PPME1: variants seen among roughly 807,000 people sequenced by gnomAD.
The protein encoded by PPME1 is testicular secretory protein Li 39.
Under a neutral mutation model 56.9 loss-of-function variants are expected in PPME1, and 17 were observed. The observed-to-expected ratio is 0.30, with a 90% CI of 0.20 to 0.45. The LOEUF is 0.45. Ranked by LOEUF, PPME1 falls within the 20% of genes least tolerant of loss-of-function variation. The probability of loss-of-function intolerance (pLI) is 1.00; values close to 1 mark genes in which losing one functional copy is unlikely to be tolerated. For synonymous variants in PPME1, 122 were observed against 156.2 expected (o/e 0.78, Z 1.63); for missense variants, 357 against 483.2 (o/e 0.74, Z 2.45).
Position 74,253,630 on chromosome 11 carries a change from T to A in PPME1, c.*120T>A. ...CCAGCCATGTGACACTGGCTCCCGG[T>A]AGACGGGCACCCCGAGATGTACCAA... On this transcript the variant is annotated 3_prime_UTR_variant, in exon 14 of 14. Coordinates refer to ENST00000328257, the MANE Select transcript of PPME1 (RefSeq NM_016147.3). 1 of 1,147,372 alleles carries A rather than the reference T, an allele frequency of 8.7e-7. No homozygotes were observed. 71.1% of individuals were successfully genotyped at this position (1,147,372 alleles called of 1,614,324 possible).
In PPME1 at chr11:74,254,437, C is replaced by A. The variant is rs200436237; in HGVS notation, c.*927C>A. On this transcript the variant is annotated 3_prime_UTR_variant, in exon 14 of 14. Transcript: ENST00000328257. ...ACACAGAAACATTACAGCCTGGCAT[C>A]CCCAGTCTTTGCCTTCTTCCAGCTG... 6.5e-6 allele frequency: 1 copy of A among 152,882 alleles called. No individual in the cohort carries two copies. Among genetic ancestry groups the A allele is most frequent in the Non-Finnish European group, 1.5e-5 (1 of 68,196 alleles). 9.5% of individuals were successfully genotyped at this position (152,882 alleles called of 1,614,324 possible).
chr11:74,220,877 A>G (rs1366357605), intron 3 of PPME1, among the ~76,000 whole-genome samples: 4 of 152,116 alleles, frequency 2.6e-5, no homozygotes, highest in African/African-American at 9.7e-5. Context: ...ATCTGCTCTG[A>G]CTTTTTGATT....
At chr11:74,210,763 C>T (rs752446628) in intron 3 of PPME1, among the ~76,000 whole-genome samples, 2 of 152,210 alleles carry the variant, frequency 1.3e-5, no homozygotes, top group Non-Finnish European at 2.9e-5. Flanking sequence ...TCTTATACAG[C>T]TTGCAGAACT....
intron 1 of PPME1, among the ~76,000 whole-genome samples, chr11:74,198,005 T>C (rs1858035612): frequency 6.6e-6 from 1 of 152,230 alleles, no homozygotes; most frequent in South Asian, 2.1e-4. Context: ...GTCAAACTTC[T>C]TCCTTTGGCA....
At chr11:74,215,192 T>C (rs536842675) in intron 3 of PPME1, among the ~76,000 whole-genome samples, 11 of 152,102 alleles carry the variant, frequency 7.2e-5, no homozygotes, top group Non-Finnish European at 1.3e-4. Context: ...CAACAAAAAA[T>C]TGACTAAGTG....
chr11:74,198,061 A>C (rs1383009399), intron 1 of PPME1, among the ~76,000 whole-genome samples: 1 of 152,212 alleles, frequency 6.6e-6, no homozygotes, highest in Non-Finnish European at 1.5e-5. Flanking sequence ...TAGGTTTGAA[A>C]TAAATTGTAT....
intron 8 of PPME1, among the ~76,000 whole-genome samples, chr11:74,237,450 T>C (rs926438135): frequency 6.6e-6 from 1 of 151,960 alleles, no homozygotes; most frequent in Non-Finnish European, 1.5e-5. Context: ...TAATTTTTTA[T>C]ATTTTTAGTA....
chr11:74,228,114 A>G lies in PPME1; in HGVS notation c.399-2131A>G, dbSNP rs544739789. On this transcript the variant is annotated intron_variant, in intron 5 of 13. Transcript: ENST00000328257. ...TGGAAATTACATGTTGATATTTAAT[A>G]TAAACATGTTTTAAACTTTAGTCTT... Among the ~76,000 whole-genome samples the G allele has an allele frequency of 9.9e-5, 15 of 151,982 alleles. No homozygotes were observed. The South Asian group carries it at 3.1e-3, about 32-fold the overall frequency.
chr11:74,253,583 C>T lies in PPME1; in HGVS notation c.*73C>T. 2 of 1,482,400 alleles carry T rather than the reference C, an allele frequency of 1.3e-6. No individual in the cohort carries two copies. Among genetic ancestry groups the T allele is most frequent in the Non-Finnish European group, 1.9e-6 (2 of 1,060,456 alleles). The allele number at this position is 1,482,400 out of a possible 1,614,324, so 91.8% of individuals were successfully genotyped here. A position where few individuals can be genotyped will look rare whatever the true frequency, so the allele number is the denominator to read the frequency against. On this transcript the variant is annotated 3_prime_UTR_variant, in exon 14 of 14. Coordinates refer to ENST00000328257, the MANE Select transcript of PPME1 (RefSeq NM_016147.3). ...GTCGCACCAGAGGCCACTGTGATGC[C>T]ACTGTCTCCTCTCCATCCCGCCCAG...
chr11:74,194,963 C>T (rs1021872457), intron 1 of PPME1, among the ~76,000 whole-genome samples: 1 of 152,130 alleles, frequency 6.6e-6, no homozygotes, highest in Non-Finnish European at 1.5e-5. Flanking sequence ...AGACAGCAGG[C>T]AGTCCTATTT....
chr11:74,228,489 A>T (rs747984684), intron 5 of PPME1, among the ~76,000 whole-genome samples: 1 of 152,174 alleles, frequency 6.6e-6, no homozygotes, highest in Admixed American at 6.5e-5. Flanking sequence ...GAATTTTTGC[A>T]ATCAGAACTT....
At chr11:74,251,837 C>G (rs768209973) in intron 13 of PPME1, 122 bp downstream of exon 13, 4 of 1,216,940 alleles carry the variant, frequency 3.3e-6, no homozygotes, top group Non-Finnish European at 4.9e-6. Context: ...TGCCTTTCTT[C>G]CTCCTCCTCA....
At chr11:74,218,573 A>G (rs1354501666) in intron 3 of PPME1, among the ~76,000 whole-genome samples, 1 of 152,214 alleles carries the variant, frequency 6.6e-6, no homozygotes, top group African/African-American at 2.4e-5. Flanking sequence ...ATGGAACAGA[A>G]TAGAGAACCC....
chr11:74,224,450 C>T (rs2135652595), intron 4 of PPME1, among the ~76,000 whole-genome samples: 1 of 112,174 alleles, frequency 8.9e-6, no homozygotes, highest in East Asian at 2.4e-4. Context: ...TCCATATGAA[C>T]TTTAAAGTAG....
At chr11:74,239,379 A>G (rs1189240819) in intron 9 of PPME1, 123 bp downstream of exon 9, 1 of 1,413,772 alleles carries the variant, frequency 7.1e-7, no homozygotes, top group Non-Finnish European at 9.4e-7. Context: ...GAGCCAAGAC[A>G]CTATCATAAG....
chr11:74,195,594 A>G (rs1857960250), intron 1 of PPME1, among the ~76,000 whole-genome samples: 1 of 152,158 alleles, frequency 6.6e-6, no homozygotes, highest in South Asian at 2.1e-4. Context: ...TTTGATGCCT[A>G]TGTGCAGGAG....
intron 1 of PPME1, among the ~76,000 whole-genome samples, chr11:74,185,288 G>A (rs930196199): frequency 2.6e-5 from 4 of 152,042 alleles, no homozygotes; most frequent in East Asian, 1.9e-4. Context: ...GTGAGCCACC[G>A]CGCCTGGTCT....
intron 12 of PPME1, 37 bp downstream of exon 12, chr11:74,251,055 G>C: frequency 6.4e-7 from 1 of 1,565,486 alleles, no homozygotes; most frequent in South Asian, 1.2e-5. Flanking sequence ...AAGGACAACT[G>C]TGAGAATAAC....
At position 74,222,296 on chromosome 11, in the gene PPME1, T is replaced by C. The variant is rs2135648852; in HGVS notation, c.289-16T>C. The C allele has an allele frequency of 1.3e-6, 2 of 1,596,254 alleles. No homozygotes were observed. The highest frequency in any genetic ancestry group is 1.7e-6 in the Non-Finnish European group (2 of 1,164,090). On this transcript the variant is annotated splice_polypyrimidine_tract_variant and intron_variant, in intron 3 of 13. Transcript: ENST00000328257. ...TATCCTAGATGTGTCTTAACTACTT[T>C]TCCTTTTTCTCCTAGGCAGCGATTA...
Sources: gnomAD v4.1 joint callset for allele counts (sites outside exome capture counted in the v4.1 genomes callset) on GRCh38, gnomAD v4.1.1 for gene constraint, MANE v1.5 for transcripts, NCBI Gene and HGNC (gene_info 2026-07-23, HGNC 2026-07-21) for gene names.